Variants in ODAD2 observed in about 807,000 individuals in gnomAD.
The protein encoded by ODAD2 is outer dynein arm-docking complex subunit 2.
A neutral mutation model predicts 106.8 loss-of-function variants in ODAD2; 89 were observed. The ratio of observed to expected loss-of-function variants is 0.83; its 90% CI spans 0.70 to 0.99. ODAD2 has a LOEUF of 0.99. Among genes scored for constraint, ODAD2 ranks in the 50% least tolerant of loss-of-function variants. The pLI, the probability that ODAD2 is intolerant of heterozygous loss-of-function variation, is 0.00. For synonymous variants in ODAD2, 404 were observed against 436.2 expected, an observed-to-expected ratio of 0.93 and a Z score of 0.92; for missense variants, 1,168 against 1,238.5, an observed-to-expected ratio of 0.94 and a Z score of 0.85.
At position 27,935,106 on chromosome 10, in the gene ODAD2, T is replaced by G. The variant is rs1224782422; in HGVS notation, c.2399A>C (p.Gln800Pro). 2 of 1,613,904 alleles carry G rather than the reference T, an allele frequency of 1.2e-6. No homozygotes were observed. The highest frequency in any genetic ancestry group is 2.7e-5 in the African/African-American group (2 of 74,924). ...RVIVRKCGGI[Q>P]PLVNLLVGIN... Reference sequence around the variant, plus strand: ...TCCAACAAGGAGGTTCACAAGTGGTTGAATGCCACCACATTTCCGGACAAT... The same window carrying G: ...TCCAACAAGGAGGTTCACAAGTGGTGGAATGCCACCACATTTCCGGACAAT... Residue 800 changes from glutamine to proline, a missense_variant, in exon 16 of 20, where the codon CAA becomes CCA. This residue lies in a region of ODAD2 where 701 missense variants were observed against 712.3 expected (regional missense o/e 0.98). Coordinates refer to ENST00000305242, the MANE Select transcript of ODAD2 (RefSeq NM_018076.5).
intron 10 of ODAD2, among the ~76,000 whole-genome samples, chr10:27,946,907 A>T (rs565367943): frequency 6.6e-6 from 1 of 152,166 alleles, no homozygotes; most frequent in African/African-American, 2.4e-5. Flanking sequence ...ATTTAAGAAA[A>T]TTTCTTCCAT....
At chr10:27,881,200 TG>T (rs1296776221) in intron 17 of ODAD2, among the ~76,000 whole-genome samples, 2 of 152,220 alleles carry the variant, frequency 1.3e-5, no homozygotes, top group Non-Finnish European at 2.9e-5. Context: ...AGAAAGTATG[TG>T]TTACCAATAG....
chr10:27,853,096 C>T (rs1031454602), intron 19 of ODAD2: 1 of 153,382 alleles, frequency 6.5e-6, no homozygotes, highest in Non-Finnish European at 1.4e-5. Flanking sequence ...TGGCCGGGCG[C>T]AGTGGCTCAC....
chr10:27,870,817 G>T (rs1010185393), intron 17 of ODAD2, among the ~76,000 whole-genome samples: 1 of 152,230 alleles, frequency 6.6e-6, no homozygotes, highest in South Asian at 2.1e-4. Flanking sequence ...ATAAACATAC[G>T]TGTGCATGTG....
chr10:27,994,042 G>A (rs1850398245), intron 2 of ODAD2, among the ~76,000 whole-genome samples: 1 of 148,826 alleles, frequency 6.7e-6, no homozygotes, highest in Non-Finnish European at 1.5e-5. Flanking sequence ...TAATTATAAT[G>A]CTTAATGAAC....
intron 19 of ODAD2, among the ~76,000 whole-genome samples, chr10:27,824,554 A>G (rs1378449573): frequency 2.0e-5 from 3 of 152,174 alleles, no homozygotes; most frequent in Non-Finnish European, 4.4e-5. Flanking sequence ...TTTCCTCATA[A>G]ATTACCCAGT....
rs115985592 is a variant in ODAD2 at position 27,887,218 on chromosome 10, C to A, written c.2610+20445G>T. 7.9e-3 allele frequency among the ~76,000 whole-genome samples: 1,205 copies of A among 151,912 alleles called. 14 individuals are homozygous for A. Among genetic ancestry groups the A allele is most frequent in the African/African-American group, 0.028 (1,145 of 41,486 alleles). The stretch of plus-strand genomic sequence containing the variant: ...TAAAAGAGAGCAAGATTGTCCATAC[C>A]AATAACAGACAAAATAGCCTTAAAT... On this transcript the variant is annotated intron_variant, in intron 17 of 19. Transcript: ENST00000305242.
intron 19 of ODAD2, among the ~76,000 whole-genome samples, chr10:27,822,319 ATTGT>A (rs1420155945): frequency 6.6e-6 from 1 of 152,206 alleles, no homozygotes; most frequent in African/African-American, 2.4e-5. Context: ...TTGACTTGAC[ATTGT>A]TTGGGTGAAC....
At chr10:27,817,945 T>C (rs936979247) in intron 19 of ODAD2, among the ~76,000 whole-genome samples, 7 of 152,012 alleles carry the variant, frequency 4.6e-5, no homozygotes, top group African/African-American at 1.2e-4. Flanking sequence ...TCTAGATACA[T>C]ACTTCGCACC....
At chr10:27,833,397 A>G (rs1185301767) in intron 19 of ODAD2, among the ~76,000 whole-genome samples, 2 of 152,184 alleles carry the variant, frequency 1.3e-5, no homozygotes, top group Non-Finnish European at 1.5e-5. Flanking sequence ...ATCAAGGAGG[A>G]AAATTAAACT....
intron 16 of ODAD2, among the ~76,000 whole-genome samples, chr10:27,920,751 G>A (rs1402205033): frequency 6.6e-6 from 1 of 151,966 alleles, no homozygotes; most frequent in Non-Finnish European, 1.5e-5. Flanking sequence ...TGTGGCAAAA[G>A]ACATATCTGG....
intron 3 of ODAD2, among the ~76,000 whole-genome samples, chr10:27,985,668 G>A (rs1238269384): frequency 1.3e-5 from 2 of 152,090 alleles, no homozygotes; most frequent in African/African-American, 4.8e-5. Context: ...AAAATAGCAT[G>A]CTTTCCTAAG....
chr10:27,939,109 T>G (rs1251927127), intron 14 of ODAD2, among the ~76,000 whole-genome samples: 1 of 151,840 alleles, frequency 6.6e-6, no homozygotes, highest in Non-Finnish European at 1.5e-5. Flanking sequence ...TAGATTACAA[T>G]AAGTAAACCA....
intron 9 of ODAD2, among the ~76,000 whole-genome samples, chr10:27,965,319 G>A (rs1434577775): frequency 6.6e-6 from 1 of 152,140 alleles, no homozygotes; most frequent in Non-Finnish European, 1.5e-5. Context: ...CAGAGCCTAG[G>A]GAAAAGAAGA....
intron 17 of ODAD2, among the ~76,000 whole-genome samples, chr10:27,876,537 C>A (rs1292691112): frequency 6.6e-6 from 1 of 152,154 alleles, no homozygotes; most frequent in Non-Finnish European, 1.5e-5. Context: ...ACTGGGATTC[C>A]CTTTCAAACT....
At chr10:27,850,156 A>T (rs971782332) in intron 19 of ODAD2, among the ~76,000 whole-genome samples, 12 of 152,282 alleles carry the variant, frequency 7.9e-5, no homozygotes, top group African/African-American at 2.6e-4. Flanking sequence ...TTTAAAGTGA[A>T]AACATTTGCT....
rs80123600 is a variant in ODAD2, at chr10:27,866,431, G to A, written c.2611-3809C>T. Among the ~76,000 whole-genome samples the A allele has an allele frequency of 4.9e-3, 751 of 152,174 alleles. 8 individuals carry two copies. Among genetic ancestry groups the A allele is most frequent in the African/African-American group, 0.017 (690 of 41,526 alleles). On this transcript the variant is annotated intron_variant, in intron 17 of 19. Coordinates refer to ENST00000305242, the MANE Select transcript of ODAD2 (RefSeq NM_018076.5). The stretch of plus-strand genomic sequence containing the variant: ...ATGTAAATTCAAAAGCAAAAACAGG[G>A]GCTCTTAGAATTTCAGGGGACTTCA...
chr10:27,978,898 TA>T (rs1484545179), intron 7 of ODAD2, among the ~76,000 whole-genome samples: 4 of 151,860 alleles, frequency 2.6e-5, no homozygotes, highest in Non-Finnish European at 5.9e-5. Flanking sequence ...GGTGAAAGCC[TA>T]AAAGCTTTTC....
intron 19 of ODAD2, among the ~76,000 whole-genome samples, chr10:27,828,231 G>A (rs1837216474): frequency 6.6e-6 from 1 of 152,212 alleles, no homozygotes; most frequent in Middle Eastern, 3.2e-3. Flanking sequence ...GAGCAGCTGG[G>A]GCAAGGAGGC....
Sources: allele counts gnomAD v4.1 joint callset (sites outside exome capture counted in the v4.1 genomes callset), GRCh38; gene constraint gnomAD v4.1.1; regional missense constraint gnomAD v4.1.1; transcripts MANE v1.5; gene names NCBI Gene and HGNC (gene_info 2026-07-23, HGNC 2026-07-21).